The following PDZRN3 variants were observed in gnomAD, a reference collection of about 807,000 sequenced individuals.
PDZRN3 encodes E3 ubiquitin-protein ligase PDZRN3.
A neutral mutation model predicts 85.7 loss-of-function variants in PDZRN3; 38 were observed. The observed-to-expected ratio is 0.44, with a 90% CI of 0.34 to 0.58. The LOEUF is 0.58. Ranked by LOEUF, PDZRN3 falls within the 20% of genes least tolerant of loss-of-function variation. PDZRN3 has a pLI of 0.01. For missense variants in PDZRN3, 1,629 were observed against 1,506.4 expected, an observed-to-expected ratio of 1.08 and a Z score of -1.35; for synonymous variants, 759 against 638.0, an observed-to-expected ratio of 1.19 and a Z score of -2.86.
At chr3:73,494,882 G>C (rs897629942) in intron 3 of PDZRN3, among the ~76,000 whole-genome samples, 1 of 152,132 alleles carries the variant, frequency 6.6e-6, no homozygotes, top group Non-Finnish European at 1.5e-5. Flanking sequence ...ACACCCAATC[G>C]AGAAAACATG....
At chr3:73,576,392 T>C (rs1702123789) in intron 3 of PDZRN3, among the ~76,000 whole-genome samples, 1 of 152,184 alleles carries the variant, frequency 6.6e-6, no homozygotes, top group Non-Finnish European at 1.5e-5. Flanking sequence ...ATGTGTCCCA[T>C]AATCAATCTA....
chr3:73,457,429 T>C (rs555614094), intron 3 of PDZRN3, among the ~76,000 whole-genome samples: 153 of 152,212 alleles, frequency 1.0e-3, no homozygotes, highest in Middle Eastern at 3.4e-3. Flanking sequence ...AAACAGTGTT[T>C]GTGAAGAAAT....
intron 3 of PDZRN3, among the ~76,000 whole-genome samples, chr3:73,504,182 C>T (rs1704031747): frequency 3.3e-5 from 5 of 152,192 alleles, no homozygotes; most frequent in Admixed American, 3.3e-4. Context: ...ACAATTAAAA[C>T]AGTTATATGG....
chr3:73,389,813 T>C lies in PDZRN3; in HGVS notation c.1416+3A>G, dbSNP rs776543874. ...TGAGGCCATTGTTTGGAAGTGGACT[T>C]ACCTGGATAATGCGGTCTCCTTCTC... is the stretch of plus-strand genomic sequence containing the variant. On this transcript the variant is annotated splice_donor_region_variant and intron_variant, in intron 7 of 9. Transcript: ENST00000263666. The C allele has an allele frequency of 3.7e-6, 6 of 1,609,508 alleles. No individual in the cohort carries two copies. The Admixed American group carries it at 1.0e-4, about 27-fold the overall frequency.
In PDZRN3 at chr3:73,383,972, T is replaced by A. The variant is rs372816700; in HGVS notation, c.2594A>T (p.His865Leu). The part of the protein sequence containing the change: ...LGSAYLPSYH[H>L]SPYKHAHIPA... ...GATGTGCGCGTGCTTGTATGGGGAGTGGTGATAGGAGGGCAGGTAGGCGCT... is the reference window on the plus strand; with the variant it reads ...GATGTGCGCGTGCTTGTATGGGGAGAGGTGATAGGAGGGCAGGTAGGCGCT... The change falls in exon 10 of 10, where the codon CAC (histidine) becomes CTC (leucine). Residue 865 changes from histidine (H) to leucine (L), a missense_variant. Coordinates refer to ENST00000263666, the MANE Select transcript of PDZRN3 (RefSeq NM_015009.3). 48 of 1,593,138 alleles carry A rather than the reference T, an allele frequency of 3.0e-5. No homozygotes were observed. Among genetic ancestry groups the A allele is most frequent in the Non-Finnish European group, 3.8e-5 (45 of 1,171,236 alleles).
chr3:73,457,846 A>G (rs1282202220), intron 3 of PDZRN3, among the ~76,000 whole-genome samples: 1 of 152,126 alleles, frequency 6.6e-6, no homozygotes, highest in Non-Finnish European at 1.5e-5. Flanking sequence ...AAACCAGGAA[A>G]TGGGTCTTCA....
At chr3:73,490,506 A>C (rs1049696525) in intron 3 of PDZRN3, among the ~76,000 whole-genome samples, 1 of 152,188 alleles carries the variant, frequency 6.6e-6, no homozygotes, top group Non-Finnish European at 1.5e-5. Context: ...GGGCATCTAC[A>C]TCACGGCAAA....
intron 4 of PDZRN3, among the ~76,000 whole-genome samples, chr3:73,402,105 T>G (rs1701760571): frequency 1.3e-5 from 2 of 152,194 alleles, no homozygotes; most frequent in Admixed American, 1.3e-4. Flanking sequence ...ACGCTCTTGC[T>G]GTTGTCTGAC....
intron 3 of PDZRN3, among the ~76,000 whole-genome samples, chr3:73,575,969 G>C (rs915930043): frequency 6.6e-6 from 1 of 152,156 alleles, no homozygotes; most frequent in African/African-American, 2.4e-5. Flanking sequence ...GAGAGACAGA[G>C]AGGGGCAGGG....
At chr3:73,389,215 G>GT (rs1246126480) in intron 7 of PDZRN3, among the ~76,000 whole-genome samples, 1 of 152,144 alleles carries the variant, frequency 6.6e-6, no homozygotes, top group Non-Finnish European at 1.5e-5. Flanking sequence ...TTTCAATTCT[G>GT]TGAGATTAAA....
At chr3:73,608,837 C>T (rs1177626325) in intron 1 of PDZRN3, among the ~76,000 whole-genome samples, 153 bp from the exon 2 acceptor site, 1 of 152,184 alleles carries the variant, frequency 6.6e-6, no homozygotes, top group African/African-American at 2.4e-5. Flanking sequence ...ACTTCTGGAA[C>T]CCAATCTGAA....
intron 3 of PDZRN3, among the ~76,000 whole-genome samples, chr3:73,600,311 A>G (rs939323158): frequency 2.8e-5 from 2 of 71,816 alleles, no homozygotes; most frequent in African/African-American, 1.2e-4. Context: ...TGAAACACAC[A>G]CACACACACA....
intron 3 of PDZRN3, among the ~76,000 whole-genome samples, chr3:73,521,398 G>A (rs913967355): frequency 3.9e-5 from 6 of 152,118 alleles, no homozygotes; most frequent in Non-Finnish European, 7.3e-5. Flanking sequence ...GCGGGCAGAT[G>A]GCGCCAGATT....
At chr3:73,530,923 T>C (rs1433438241) in intron 3 of PDZRN3, among the ~76,000 whole-genome samples, 1 of 152,148 alleles carries the variant, frequency 6.6e-6, no homozygotes, top group Non-Finnish European at 1.5e-5. Flanking sequence ...GAAAAGGTTA[T>C]TACTTGACTA....
At chr3:73,577,192 A>T (rs931872446) in intron 3 of PDZRN3, among the ~76,000 whole-genome samples, 1 of 152,210 alleles carries the variant, frequency 6.6e-6, no homozygotes, top group African/African-American at 2.4e-5. Context: ...TTCCAAAAGC[A>T]ACTTTTCAGA....
intron 3 of PDZRN3, among the ~76,000 whole-genome samples, chr3:73,481,613 A>G (rs1703563139): frequency 6.6e-6 from 1 of 152,216 alleles, no homozygotes; most frequent in African/African-American, 2.4e-5. Flanking sequence ...TACAGGCGTA[A>G]GCCACCACAC....
chr3:73,424,637 A>G lies in PDZRN3; in HGVS notation c.919-20242T>C, dbSNP rs550021584. Among the ~76,000 whole-genome samples, 3 of 152,064 alleles carry G rather than the reference A, an allele frequency of 2.0e-5. No homozygotes were observed. In the South Asian group the frequency reaches 6.2e-4, roughly 32 times the overall value. The stretch of plus-strand genomic sequence containing the variant: ...CATCAGAGGGGTTGGTATCCAGACT[A>G]TGTTTTTCCAAATCCTACAACCAGG... On this transcript the variant is annotated intron_variant, in intron 3 of 9. Coordinates refer to ENST00000263666, the MANE Select transcript of PDZRN3 (RefSeq NM_015009.3).
chr3:73,569,261 G>A (rs1009123652), intron 3 of PDZRN3: 24 of 1,276,164 alleles, frequency 1.9e-5, no homozygotes, highest in Admixed American at 4.8e-5. Flanking sequence ...AGAGGAGCCC[G>A]AAGAATGTCG....
At chr3:73,434,067 A>G (rs1000719260) in intron 3 of PDZRN3, 1 of 469,030 alleles carries the variant, frequency 2.1e-6, no homozygotes, top group Non-Finnish European at 2.8e-6. Flanking sequence ...TTGACTATTC[A>G]TAACAGACAA....
Sources: gnomAD v4.1 joint callset for allele counts (sites outside exome capture counted in the v4.1 genomes callset) on GRCh38, gnomAD v4.1.1 for gene constraint, MANE v1.5 for transcripts, NCBI Gene and HGNC (gene_info 2026-07-23, HGNC 2026-07-21) for gene names.